Variants in KBTBD12 observed in about 807,000 individuals in gnomAD.
KBTBD12 encodes the protein kelch repeat and BTB domain containing 12, also known as kelch repeat and BTB domain-containing protein 12.
A neutral mutation model predicts 58.7 loss-of-function variants in KBTBD12; 53 were observed. That is an observed-to-expected ratio of 0.90 (90% CI 0.72 to 1.14). The LOEUF is 1.14. Among genes scored for constraint, KBTBD12 ranks in the 50% most tolerant of loss-of-function variants. The pLI, the probability that KBTBD12 is intolerant of heterozygous loss-of-function variation, is 0.00. For missense variants in KBTBD12, 704 were observed against 751.3 expected, an observed-to-expected ratio of 0.94 and a Z score of 0.74; for synonymous variants, 236 against 259.8, an observed-to-expected ratio of 0.91 and a Z score of 0.88.
intron 5 of KBTBD12, among the ~76,000 whole-genome samples, chr3:127,977,125 A>C (rs971447262): frequency 3.3e-5 from 5 of 152,240 alleles, no homozygotes; most frequent in African/African-American, 1.2e-4. Context: ...TAGTTCACTT[A>C]GGATAATAAC....
rs532487972 is a variant in KBTBD12 at position 127,931,418 on chromosome 3, T to C, written c.1492+1135T>C. 3.9e-5 allele frequency among the ~76,000 whole-genome samples: 6 copies of C among 152,258 alleles called. No individual in the cohort carries two copies. The East Asian group carries it at 7.7e-4, about 20-fold the overall frequency. On this transcript the variant is annotated intron_variant, in intron 4 of 5. Transcript: ENST00000405109. ...TATATTTCTTACTTTGTTATAACCA[T>C]ATACTATGTCACAGGCCCAGAAGAG...
chr3:127,951,669 C>T (rs981264114), intron 4 of KBTBD12, among the ~76,000 whole-genome samples: 1 of 152,172 alleles, frequency 6.6e-6, no homozygotes, highest in Non-Finnish European at 1.5e-5. Context: ...CTCCCTTTCT[C>T]ATCTTCAAGC....
intron 5 of KBTBD12, among the ~76,000 whole-genome samples, chr3:127,972,421 C>T (rs1306461664): frequency 6.6e-6 from 1 of 151,268 alleles, no homozygotes; most frequent in African/African-American, 2.4e-5. Context: ...GGGTTAAGAG[C>T]CTGGCTGATG....
intron 4 of KBTBD12, among the ~76,000 whole-genome samples, chr3:127,949,699 CA>C (rs1940164083): frequency 6.6e-6 from 1 of 152,186 alleles, no homozygotes; most frequent in Non-Finnish European, 1.5e-5. Context: ...TCACAAAATC[CA>C]AGTTGCGAAA....
chr3:127,978,525 A>G lies in KBTBD12; in HGVS notation c.1691-5572A>G, dbSNP rs371149185. Among the ~76,000 whole-genome samples the G allele has an allele frequency of 6.9e-4, 105 of 152,324 alleles. 1 individual carries two copies. In the East Asian group the frequency reaches 0.018, roughly 27 times the overall value. ...TGAAGCCTGGAACTTCAGACCAAGT[A>G]TGGACAGAAACTCTAAGAAAATCCT... On this transcript the variant is annotated intron_variant, in intron 5 of 5. Coordinates refer to ENST00000405109, the MANE Select transcript of KBTBD12 (RefSeq NM_207335.4).
In KBTBD12 at chr3:127,965,438, A is replaced by G. The variant is rs549040994; in HGVS notation, c.1690+2052A>G. 8.3e-4 allele frequency among the ~76,000 whole-genome samples: 126 copies of G among 152,336 alleles called. 1 individual carries two copies. Among genetic ancestry groups the G allele is most frequent in the African/African-American group, 3.0e-3 (123 of 41,590 alleles). ...AATTATCACTGGGATTTTATACAAA[A>G]TAAAACAATTGTATAATAACATACC... is the stretch of plus-strand genomic sequence containing the variant. On this transcript the variant is annotated intron_variant, in intron 5 of 5. Transcript: ENST00000405109.
chr3:127,984,264 G>A lies in KBTBD12; in HGVS notation c.1858G>A (p.Gly620Ser), dbSNP rs770847021. The A allele has an allele frequency of 6.2e-7, 1 of 1,613,660 alleles. No individual in the cohort carries two copies. The highest frequency in any genetic ancestry group is 8.5e-7 in the Non-Finnish European group (1 of 1,179,782). Reference protein sequence around the residue: ...IPPPSDLVEEGNEH With the variant: ...IPPPSDLVEESNEH ...CCCGCCTTCAGATTTGGTGGAAGAA[G>A]GCAATGAGCACTAAGGTGACCTTGC... The change falls in exon 6 of 6, where the codon GGC becomes AGC. Residue 620 changes from glycine to serine, a missense_variant. Gly to Ser is a moderately conservative substitution (Grantham distance 56). Transcript: ENST00000405109.
At chr3:127,930,439 A>G (rs1939676505) in intron 4 of KBTBD12, among the ~76,000 whole-genome samples, 156 bp downstream of exon 4, 1 of 152,208 alleles carries the variant, frequency 6.6e-6, no homozygotes, top group African/African-American at 2.4e-5. Flanking sequence ...TTTCTAGAGT[A>G]CAGTCAAATA....
chr3:127,984,451 G>A lies in KBTBD12; in HGVS notation c.*173G>A, dbSNP rs1047265718. The A allele has an allele frequency of 1.7e-6, 1 of 593,438 alleles. No homozygotes were observed. The highest frequency in any genetic ancestry group is 2.9e-6 in the Non-Finnish European group (1 of 341,812). The allele number at this position is 593,438 out of a possible 1,614,324, so 36.8% of individuals were successfully genotyped here. A position where few individuals can be genotyped will look rare whatever the true frequency, so the allele number is the denominator to read the frequency against. ...GGGAGCATGGGGAGTCTCCCTTCAG[G>A]GACTTCCCAGCCTGATAGGGTAAAT... On this transcript the variant is annotated 3_prime_UTR_variant, in exon 6 of 6. Transcript: ENST00000405109.
chr3:127,942,289 C>T (rs971389329), intron 4 of KBTBD12, among the ~76,000 whole-genome samples: 3 of 152,048 alleles, frequency 2.0e-5, no homozygotes, highest in Non-Finnish European at 2.9e-5. Context: ...AGTGTATGTG[C>T]GGTGGGAGTA....
chr3:127,945,147 T>C (rs996902553), intron 4 of KBTBD12, among the ~76,000 whole-genome samples: 1 of 147,838 alleles, frequency 6.8e-6, no homozygotes, highest in Non-Finnish European at 1.5e-5. Flanking sequence ...TGTGTTTTTT[T>C]TAAAAATAGT....
chr3:127,970,623 A>G (rs985910705), intron 5 of KBTBD12, among the ~76,000 whole-genome samples: 1 of 152,280 alleles, frequency 6.6e-6, no homozygotes, highest in African/African-American at 2.4e-5. Flanking sequence ...ATGAAATACT[A>G]ACAGTTGCTA....
At chr3:127,987,672 C>G (rs2107621216), downstream of KBTBD12, 1 of 152,350 alleles carries the variant, frequency 6.6e-6, no homozygotes, top group East Asian at 1.9e-4. Flanking sequence ...TAAAAGATCA[C>G]TTTCATTTTG....
intron 1 of KBTBD12, among the ~76,000 whole-genome samples, chr3:127,917,050 T>A (rs963278927): frequency 6.6e-6 from 1 of 152,206 alleles, no homozygotes; most frequent in Non-Finnish European, 1.5e-5. Flanking sequence ...ATGTGGAGAC[T>A]TCTCCCCATC....
chr3:127,930,839 A>C (rs1939684479), intron 4 of KBTBD12, among the ~76,000 whole-genome samples: 3 of 152,180 alleles, frequency 2.0e-5, no homozygotes, highest in African/African-American at 7.2e-5. Flanking sequence ...TTGGTAAAAG[A>C]CTTCAGTTCC....
At chr3:127,932,010 CA>C (rs1335826458) in intron 4 of KBTBD12, among the ~76,000 whole-genome samples, 1 of 152,018 alleles carries the variant, frequency 6.6e-6, no homozygotes, top group Non-Finnish European at 1.5e-5. Flanking sequence ...AGTAAGAAAC[CA>C]CACAGAAGCA....
intron 4 of KBTBD12, among the ~76,000 whole-genome samples, chr3:127,942,624 A>ATATATATATAACTATATATAAC (rs1048461536): frequency 6.7e-6 from 1 of 148,320 alleles, no homozygotes; most frequent in African/African-American, 2.5e-5. Context: ...TGTGTTAGTT[A>ATATATATATAACTATATATAAC]TATATATATA....
intron 2 of KBTBD12, among the ~76,000 whole-genome samples, chr3:127,924,881 C>T (rs1225793814): frequency 2.0e-5 from 3 of 152,036 alleles, no homozygotes; most frequent in Non-Finnish European, 4.4e-5. Flanking sequence ...TTATTCAGCC[C>T]GTATTAAATG....
chr3:127,916,557 G>A (rs1939245840), intron 1 of KBTBD12, among the ~76,000 whole-genome samples: 1 of 152,154 alleles, frequency 6.6e-6, no homozygotes, highest in South Asian at 2.1e-4. Flanking sequence ...CAGCTGAGAG[G>A]TGGCAGCTGG....
Sources: allele counts gnomAD v4.1 joint callset (sites outside exome capture counted in the v4.1 genomes callset), GRCh38; gene constraint gnomAD v4.1.1; transcripts MANE v1.5; gene names NCBI Gene and HGNC (gene_info 2026-07-23, HGNC 2026-07-21).